The following PCDHGA2 variants were observed in gnomAD, a reference collection of about 807,000 sequenced individuals.
PCDHGA2 encodes the protein protocadherin gamma-A2.
A neutral mutation model predicts 59.2 loss-of-function variants in PCDHGA2; 40 were observed. The ratio of observed to expected loss-of-function variants is 0.68; its 90% CI spans 0.52 to 0.88. The LOEUF is 0.88. Ranked by LOEUF, PCDHGA2 falls within the 40% of genes least tolerant of loss-of-function variation. The pLI is 0.00. For missense variants in PCDHGA2, 1,226 were observed against 1,204.0 expected (o/e 1.02, Z -0.27); for synonymous variants, 560 against 526.0 (o/e 1.06, Z -0.89).
chr5:141,507,796 G>GGGAA (rs2099863457), intron 3 of PCDHGA2, among the ~76,000 whole-genome samples: 1 of 152,220 alleles, frequency 6.6e-6, no homozygotes, highest in Admixed American at 6.5e-5. Flanking sequence ...GTCTAAGCCT[G>GGGAA]CGCCCTGGGG....
chr5:141,486,803 C>T lies in PCDHGA2; in HGVS notation c.2425-8004C>T. 1 of 1,614,228 alleles carries T rather than the reference C, an allele frequency of 6.2e-7. No homozygotes were observed. Among genetic ancestry groups the T allele is most frequent in the South Asian group, 1.1e-5 (1 of 91,084 alleles). ...GCAGGCCCGGGATCGGGGCAACCCACCCCTTAGCAGCACTGTAACAGTTCG... is the reference window on the plus strand; with the variant it reads ...GCAGGCCCGGGATCGGGGCAACCCATCCCTTAGCAGCACTGTAACAGTTCG... On this transcript the variant is annotated intron_variant, in intron 1 of 3. Coordinates refer to ENST00000394576, the MANE Select transcript of PCDHGA2 (RefSeq NM_018915.4). The surrounding 1 kb of genome is among the most constrained non-coding windows in gnomAD (Gnocchi z 5.0).
At chr5:141,425,111 A>C (rs2096857405) in intron 1 of PCDHGA2, among the ~76,000 whole-genome samples, 1 of 152,144 alleles carries the variant, frequency 6.6e-6, no homozygotes, top group Non-Finnish European at 1.5e-5. Flanking sequence ...AGATGCCTAC[A>C]TTTTTCTTGA....
intron 1 of PCDHGA2, among the ~76,000 whole-genome samples, chr5:141,463,073 C>G (rs911706393): frequency 6.6e-6 from 1 of 152,110 alleles, no homozygotes; most frequent in African/African-American, 2.4e-5. Flanking sequence ...AAATGAAATT[C>G]AAACATTTTC....
At chr5:141,464,279 C>CAAA (rs373828487) in intron 1 of PCDHGA2, among the ~76,000 whole-genome samples, 8 of 137,748 alleles carry the variant, frequency 5.8e-5, no homozygotes, top group Admixed American at 1.5e-4. Flanking sequence ...AAAAAAAAAG[C>CAAA]AAAAAAAAAA....
Position 141,496,029 on chromosome 5 carries a change from C to T in PCDHGA2, c.2483+1164C>T, listed in dbSNP as rs548231443. ...TTGTCTTTTTTCTCTGAGCCTCTGTCTCTGTCTCTCATTTTTTTGTGCTTG... is the reference window on the plus strand; with the variant it reads ...TTGTCTTTTTTCTCTGAGCCTCTGTTTCTGTCTCTCATTTTTTTGTGCTTG... On this transcript the variant is annotated intron_variant, in intron 2 of 3. Coordinates refer to ENST00000394576, the MANE Select transcript of PCDHGA2 (RefSeq NM_018915.4). Among the ~76,000 whole-genome samples, 3 of 152,088 alleles carry T rather than the reference C, an allele frequency of 2.0e-5. No individual in the cohort carries two copies. In the East Asian group the frequency reaches 5.8e-4, roughly 29 times the overall value.
At chr5:141,344,161 C>G (rs750149844) in intron 1 of PCDHGA2, 2 of 1,614,010 alleles carry the variant, frequency 1.2e-6, no homozygotes, top group Non-Finnish European at 1.7e-6. Context: ...GATAAAGGTT[C>G]CTTCGTGGGC....
At chr5:141,416,761 C>G (rs1371541017) in intron 1 of PCDHGA2, 2 of 152,140 alleles carry the variant, frequency 1.3e-5, no homozygotes, top group Non-Finnish European at 2.9e-5. Context: ...AGGTAGATCT[C>G]TTAATTTTAT....
chr5:141,490,184 TC>T lies in PCDHGA2; in HGVS notation c.2425-4622del, dbSNP rs1293752541. The T allele has an allele frequency of 1.2e-6, 2 of 1,614,196 alleles. No individual in the cohort carries two copies. The highest frequency in any genetic ancestry group is 1.7e-6 in the Non-Finnish European group (2 of 1,180,030). On this transcript the variant is annotated intron_variant, in intron 1 of 3. Coordinates refer to ENST00000394576, the MANE Select transcript of PCDHGA2 (RefSeq NM_018915.4). This position sits in a 1 kb window ranked among gnomAD's most constrained non-coding sequence, Gnocchi z 5.4. The stretch of plus-strand genomic sequence containing the variant: ...CCCATAGACTTTGAGGAGTCACGTT[TC>T]TATGAAATTCATGCAAGAGCCCGTG...
At chr5:141,510,580 G>A (rs947369646) in intron 3 of PCDHGA2, among the ~76,000 whole-genome samples, 7 of 152,248 alleles carry the variant, frequency 4.6e-5, no homozygotes, top group South Asian at 2.1e-4. Flanking sequence ...ACTATTTTAC[G>A]TACCTGACAT....
chr5:141,360,729 C>G (rs767195567), intron 1 of PCDHGA2: 21 of 1,613,886 alleles, frequency 1.3e-5, no homozygotes, highest in Admixed American at 1.7e-5. Context: ...TTCTAAAACA[C>G]TCTCTGGACA....
At chr5:141,496,734 G>A (rs527288196) in intron 2 of PCDHGA2, among the ~76,000 whole-genome samples, 4 of 152,066 alleles carry the variant, frequency 2.6e-5, no homozygotes, top group Non-Finnish European at 4.4e-5. Flanking sequence ...GTATTCATTC[G>A]TTCATTTATT....
At chr5:141,479,056 A>G (rs952560687) in intron 1 of PCDHGA2, among the ~76,000 whole-genome samples, 1 of 152,098 alleles carries the variant, frequency 6.6e-6, no homozygotes, top group Admixed American at 6.5e-5. Context: ...TTCTCAGATA[A>G]TTTTTTATGA....
Position 141,431,645 on chromosome 5 carries a change from T to C in PCDHGA2, c.2425-63162T>C. ...GGCGGCCCAAGTTTTCAAACTAGAT[T>C]GTAATTCAGGGACAATATCAACAAT... is the stretch of plus-strand genomic sequence containing the variant. On this transcript the variant is annotated intron_variant, in intron 1 of 3. Coordinates refer to ENST00000394576, the MANE Select transcript of PCDHGA2 (RefSeq NM_018915.4). This position sits in a 1 kb window ranked among gnomAD's most constrained non-coding sequence, Gnocchi z 4.8. 6.2e-7 allele frequency: 1 copy of C among 1,614,236 alleles called. No individual in the cohort carries two copies.
At chr5:141,402,067 A>G (rs2094221639) in intron 1 of PCDHGA2, among the ~76,000 whole-genome samples, 1 of 152,226 alleles carries the variant, frequency 6.6e-6, no homozygotes, top group Non-Finnish European at 1.5e-5. Flanking sequence ...TTAAAAAACT[A>G]AGCATTTTTG....
intron 1 of PCDHGA2, among the ~76,000 whole-genome samples, chr5:141,439,139 G>T (rs2098090438): frequency 6.6e-6 from 1 of 150,672 alleles, no homozygotes; most frequent in South Asian, 2.1e-4. Flanking sequence ...GTTGCAGTGA[G>T]CTGAGATCAC....
At chr5:141,357,720 C>T (rs1760710135) in intron 1 of PCDHGA2, 1 of 1,425,466 alleles carries the variant, frequency 7.0e-7, no homozygotes, top group Non-Finnish European at 9.4e-7. Context: ...ATAAAGTTGC[C>T]TCTTTTAATA....
At chr5:141,469,610 AAAAT>A (rs1360697662) in intron 1 of PCDHGA2, among the ~76,000 whole-genome samples, 1 of 152,194 alleles carries the variant, frequency 6.6e-6, no homozygotes, top group Non-Finnish European at 1.5e-5. Context: ...TAAGTAAAAT[AAAAT>A]AAATGTTTGT....
At chr5:141,384,392 G>A in intron 1 of PCDHGA2, 1 of 1,613,930 alleles carries the variant, frequency 6.2e-7, no homozygotes, top group Non-Finnish European at 8.5e-7. Context: ...ACCATCCAGG[G>A]GGCTCCAGTG....
At chr5:141,413,841 T>C (rs1481867404) in intron 1 of PCDHGA2, 1 of 1,613,060 alleles carries the variant, frequency 6.2e-7, no homozygotes, top group Admixed American at 1.7e-5. Context: ...CCGACGGGGG[T>C]GACCCTCTCC....
Sources: gnomAD v4.1 joint callset for allele counts (sites outside exome capture counted in the v4.1 genomes callset) on GRCh38, gnomAD v4.1.1 for gene constraint, Gnocchi (gnomAD v3.1) non-coding constraint, MANE v1.5 for transcripts, NCBI Gene and HGNC (gene_info 2026-07-23, HGNC 2026-07-21) for gene names.